The following PLA2G4E variants were observed in gnomAD, a reference collection of about 807,000 sequenced individuals.
The protein encoded by PLA2G4E is phospholipase A2 group IVE, also known as cytosolic phospholipase A2 epsilon.
A neutral mutation model predicts 109.1 loss-of-function variants in PLA2G4E; 84 were observed. That is an observed-to-expected ratio of 0.77 (90% confidence interval 0.65 to 0.92). PLA2G4E has a LOEUF of 0.92. Ranked by LOEUF, PLA2G4E falls within the 40% of genes least tolerant of loss-of-function variation. The probability of loss-of-function intolerance (pLI) is 0.00; values close to 1 mark genes in which losing one functional copy is unlikely to be tolerated. For missense variants in PLA2G4E, 1,057 were observed against 1,076.6 expected, an observed-to-expected ratio of 0.98 and a Z score of 0.25; for synonymous variants, 469 against 436.1, an observed-to-expected ratio of 1.08 and a Z score of -0.94.
At chr15:42,033,239 G>A (rs1437097987) in intron 1 of PLA2G4E, among the ~76,000 whole-genome samples, 12 of 152,124 alleles carry the variant, frequency 7.9e-5, no homozygotes, top group Non-Finnish European at 5.9e-5. Context: ...GCCCTGTGGT[G>A]CTGGGCCTGT....
chr15:42,003,908 T>A (rs1319256395), intron 5 of PLA2G4E, among the ~76,000 whole-genome samples: 2 of 152,186 alleles, frequency 1.3e-5, no homozygotes, highest in East Asian at 3.8e-4. Context: ...TTGCTTTCCT[T>A]CCTTCCTTTC....
In PLA2G4E at chr15:41,984,563, G is replaced by A. The variant is rs375560571; in HGVS notation, c.2259C>T (p.Tyr753=). The change falls in exon 19 of 20, where the codon TAC becomes TAT. Residue 753 remains tyrosine, a synonymous_variant. Coordinates refer to ENST00000399518, the Ensembl canonical transcript of PLA2G4E. Reference sequence around the variant, plus strand: ...GATTTTCATTCTCATCTGGCAGCTCGTATTTGGGGAAGGGGATGTTCTGCA... The same window carrying A: ...GATTTTCATTCTCATCTGGCAGCTCATATTTGGGGAAGGGGATGTTCTGCA... 4.3e-5 allele frequency: 69 copies of A among 1,613,804 alleles called. 1 individual carries two copies. The highest frequency in any genetic ancestry group is 1.6e-4 in the Middle Eastern group (1 of 6,084).
At chr15:42,033,278 C>T (rs1889146381) in intron 1 of PLA2G4E, among the ~76,000 whole-genome samples, 2 of 152,198 alleles carry the variant, frequency 1.3e-5, no homozygotes, top group African/African-American at 2.4e-5. Context: ...CTGGCTGTCC[C>T]GATGAGCCTT....
intron 1 of PLA2G4E, among the ~76,000 whole-genome samples, chr15:42,044,150 T>C (rs1468673276): frequency 6.6e-6 from 1 of 152,170 alleles, no homozygotes; most frequent in Non-Finnish European, 1.5e-5. Flanking sequence ...TCTAGTGAAG[T>C]AGCTTTGAAA....
At chr15:42,027,992 T>C (rs936901019) in intron 1 of PLA2G4E, among the ~76,000 whole-genome samples, 15 of 147,748 alleles carry the variant, frequency 1.0e-4, no homozygotes, top group Non-Finnish European at 1.7e-4. Flanking sequence ...GTAACCCTTT[T>C]CAGGACATGG....
intron 1 of PLA2G4E, among the ~76,000 whole-genome samples, chr15:42,036,670 G>T (rs1285108457): frequency 6.6e-6 from 1 of 152,184 alleles, no homozygotes; most frequent in Admixed American, 6.5e-5. Flanking sequence ...GCTCATAGCC[G>T]TGTCGCCCCT....
intron 17 of PLA2G4E, 104 bp downstream of exon 17, chr15:41,987,068 A>G (rs1237225780): frequency 3.3e-6 from 4 of 1,215,306 alleles, no homozygotes; most frequent in Non-Finnish European, 4.7e-6. Context: ...CCCAGTGAAC[A>G]TAGCCAGAGA....
At chr15:41,994,692 A>G (rs1472192392) in intron 12 of PLA2G4E, among the ~76,000 whole-genome samples, 1 of 152,048 alleles carries the variant, frequency 6.6e-6, no homozygotes, top group East Asian at 1.9e-4. Flanking sequence ...TTTATATTTC[A>G]TGCTGGCCAC....
intron 2 of PLA2G4E, among the ~76,000 whole-genome samples, chr15:42,012,983 T>C (rs1433843368): frequency 6.6e-6 from 1 of 152,076 alleles, no homozygotes; most frequent in Non-Finnish European, 1.5e-5. Context: ...CCTGATCTCT[T>C]AAAATGCCAC....
At chr15:41,984,249 G>A (rs1014497094) in intron 19 of PLA2G4E, among the ~76,000 whole-genome samples, 187 bp downstream of exon 19, 1 of 152,210 alleles carries the variant, frequency 6.6e-6, no homozygotes, top group African/African-American at 2.4e-5. Context: ...TGAAAGAATG[G>A]GGGATGACAC....
intron 1 of PLA2G4E, among the ~76,000 whole-genome samples, chr15:42,045,137 G>A (rs1201534297): frequency 2.0e-5 from 3 of 152,170 alleles, no homozygotes; most frequent in African/African-American, 4.8e-5. Flanking sequence ...CGTGGAGGCC[G>A]GTGGGGAGTC....
chr15:42,046,363 T>C (rs914177888), intron 1 of PLA2G4E, among the ~76,000 whole-genome samples: 20 of 152,236 alleles, frequency 1.3e-4, no homozygotes, highest in Non-Finnish European at 2.8e-4. Context: ...CTCCCAATGC[T>C]TTCTTCCTTG....
intron 1 of PLA2G4E, among the ~76,000 whole-genome samples, chr15:42,015,334 G>T (rs2141059102): frequency 6.6e-6 from 1 of 152,262 alleles, no homozygotes; most frequent in Admixed American, 6.5e-5. Context: ...GCCTACCGAG[G>T]GACCGCAGCG....
chr15:42,045,459 C>A (rs928123372), intron 1 of PLA2G4E, among the ~76,000 whole-genome samples: 1 of 152,176 alleles, frequency 6.6e-6, no homozygotes, highest in Non-Finnish European at 1.5e-5. Flanking sequence ...GCCACCCAGG[C>A]AGCACCGGCA....
In PLA2G4E at chr15:42,014,601, G is replaced by T. The variant is rs377597834; in HGVS notation, c.184-844C>A. Among the ~76,000 whole-genome samples, 41 of 152,330 alleles carry T rather than the reference G, an allele frequency of 2.7e-4. No homozygotes were observed. In the South Asian group the frequency reaches 8.5e-3, roughly 32 times the overall value. On this transcript the variant is annotated intron_variant, in intron 1 of 19. Transcript: ENST00000399518. ...ACGCACGGTGACATCTACTCACTGGGAGACCATGTGCCAGGGGCTCACCCC... is the reference window on the plus strand; with the variant it reads ...ACGCACGGTGACATCTACTCACTGGTAGACCATGTGCCAGGGGCTCACCCC...
chr15:41,998,616 T>A (rs1255705594), intron 10 of PLA2G4E: 1 of 152,240 alleles, frequency 6.6e-6, no homozygotes, highest in Non-Finnish European at 1.5e-5. Flanking sequence ...CAGATGGTGC[T>A]GAGACATCTG....
chr15:42,019,543 G>A (rs1463872375), intron 1 of PLA2G4E, among the ~76,000 whole-genome samples: 2 of 152,190 alleles, frequency 1.3e-5, no homozygotes, highest in Non-Finnish European at 2.9e-5. Flanking sequence ...GTCAGGCCAG[G>A]CAGGTGATGC....
chr15:42,027,291 G>A (rs1027241987), intron 1 of PLA2G4E, among the ~76,000 whole-genome samples: 3 of 152,158 alleles, frequency 2.0e-5, no homozygotes. Flanking sequence ...TAAAATGATT[G>A]CCTTTCTGCT....
intron 3 of PLA2G4E, among the ~76,000 whole-genome samples, chr15:42,007,203 A>T (rs547111355): frequency 1.3e-4 from 20 of 152,200 alleles, no homozygotes; most frequent in Admixed American, 8.5e-4. Flanking sequence ...AGGATGCTCA[A>T]AGGATAATTA....
Sources: gnomAD v4.1 joint callset for allele counts (sites outside exome capture counted in the v4.1 genomes callset) on GRCh38, gnomAD v4.1.1 for gene constraint, MANE v1.5 for transcripts, NCBI Gene and HGNC (gene_info 2026-07-23, HGNC 2026-07-21) for gene names.